Variants in SPEF2 observed in about 807,000 individuals in gnomAD.
SPEF2 encodes the protein sperm flagellar and cilia associated 2.
In SPEF2, 187 loss-of-function variants were observed where a neutral mutation model predicts 224.6. The observed-to-expected ratio is 0.83, with a 90% CI of 0.74 to 0.94. The LOEUF is 0.94. SPEF2 is among the 40% of genes least tolerant of loss of function. The probability of loss-of-function intolerance (pLI) is 0.00; values close to 1 mark genes in which losing one functional copy is unlikely to be tolerated. For synonymous variants in SPEF2, 715 were observed against 707.3 expected (o/e 1.01, Z -0.17); for missense variants, 2,170 against 2,135.6 (o/e 1.02, Z -0.32).
At chr5:35,812,128 C>T (rs1366036227) in intron 36 of SPEF2, among the ~76,000 whole-genome samples, 1 of 152,240 alleles carries the variant, frequency 6.6e-6, no homozygotes, top group African/African-American at 2.4e-5. Context: ...ATTACTTTTG[C>T]ACCAACCTAC....
chr5:35,770,517 C>T (rs1324518483), intron 26 of SPEF2, among the ~76,000 whole-genome samples: 1 of 152,132 alleles, frequency 6.6e-6, no homozygotes, highest in African/African-American at 2.4e-5. Context: ...GTCCCACATA[C>T]TCACCCACCC....
In SPEF2 at chr5:35,739,994, A is replaced by T. The variant is rs1292137182; in HGVS notation, c.3139A>T (p.Arg1047Trp). 7 of 1,614,034 alleles carry T rather than the reference A, an allele frequency of 4.3e-6. No individual in the cohort carries two copies. The highest frequency in any genetic ancestry group is 5.1e-6 in the Non-Finnish European group (6 of 1,180,022). Residue 1047 changes from arginine to tryptophan, a missense_variant, in exon 22 of 37, where the codon AGG (arginine) becomes TGG (tryptophan). Transcript: ENST00000356031. ...TATAAACACCATCAAAACAGTACTC[A>T]GGCATCTGAGGGAAGACCAGCATAC... is the stretch of plus-strand genomic sequence containing the variant. ...SYINTIKTVL[R>W]HLREDQHTVL...
Position 35,712,837 on chromosome 5 carries a change from T to G in SPEF2, c.2865T>G (p.Ser955=). The stretch of plus-strand genomic sequence containing the variant: ...AAGCCCCGCATGGTAAGCAAGAATC[T>G]CTTCAGGAAGGAAAAGGGAAGAAAG... ...QSEAPHGKQE[S]LQEGKGKKGE... The change falls in exon 20 of 37, where the codon TCT becomes TCG. Residue 955 remains serine (S), a synonymous_variant. Transcript: ENST00000356031. 6.2e-7 allele frequency: 1 copy of G among 1,613,874 alleles called. No homozygotes were observed. The highest frequency in any genetic ancestry group is 1.1e-5 in the South Asian group (1 of 91,058).
intron 25 of SPEF2, 120 bp downstream of exon 25, chr5:35,759,839 C>T: frequency 9.9e-7 from 1 of 1,010,252 alleles, no homozygotes; most frequent in South Asian, 2.8e-5. Context: ...TCCAAAAAAG[C>T]TCTAATAACC....
chr5:35,642,121 C>T (rs1229873310), intron 3 of SPEF2, among the ~76,000 whole-genome samples: 2 of 152,178 alleles, frequency 1.3e-5, no homozygotes, highest in Non-Finnish European at 2.9e-5. Context: ...TCAACTACTG[C>T]AGCAACCTGC....
chr5:35,646,262 A>C (rs74470346), intron 4 of SPEF2, among the ~76,000 whole-genome samples: 1 of 152,248 alleles, frequency 6.6e-6, no homozygotes, highest in South Asian at 2.1e-4. Context: ...CCTAGAAACT[A>C]TCTCCTAGAT....
chr5:35,799,650 T>G (rs1040587754), intron 33 of SPEF2, among the ~76,000 whole-genome samples: 2 of 152,162 alleles, frequency 1.3e-5, no homozygotes, highest in African/African-American at 4.8e-5. Flanking sequence ...GACAGATAGA[T>G]GGGTCCTTGT....
rs1295677513 is a variant in SPEF2, at chr5:35,799,970, T to C, written c.4833T>C (p.Phe1611=). The stretch of plus-strand genomic sequence containing the variant: ...TTTGGAATTCTTTTTGTGTGCAGTT[T>C]TTCTTTAGGCTATTTGCTGACTATG... ...PFNRQEHLIE[F]FFRLFADYEK... The change falls in exon 34 of 37, where the codon TTT becomes TTC. Residue 1611 remains phenylalanine, a splice_region_variant and synonymous_variant. Transcript: ENST00000356031. The C allele has an allele frequency of 6.2e-7, 1 of 1,613,790 alleles. No individual in the cohort carries two copies. The highest frequency in any genetic ancestry group is 1.1e-5 in the South Asian group (1 of 91,002).
At chr5:35,677,157 A>C (rs1752140679) in intron 10 of SPEF2, among the ~76,000 whole-genome samples, 1 of 152,164 alleles carries the variant, frequency 6.6e-6, no homozygotes, top group Non-Finnish European at 1.5e-5. Context: ...ATGCCTATGT[A>C]TTTTGTGACA....
intron 1 of SPEF2, among the ~76,000 whole-genome samples, chr5:35,625,771 T>A (rs1033077837): frequency 2.0e-5 from 3 of 152,036 alleles, no homozygotes; most frequent in African/African-American, 4.8e-5. Context: ...GCACCCTGGG[T>A]GGCACATTGA....
intron 33 of SPEF2, among the ~76,000 whole-genome samples, chr5:35,797,288 ATGT>A (rs1561380409): frequency 2.0e-5 from 3 of 150,778 alleles, no homozygotes; most frequent in African/African-American, 7.4e-5. Context: ...TGAGCAAAAC[ATGT>A]TGTTATGGAA....
At chr5:35,636,808 C>T (rs1299540737) in intron 2 of SPEF2, among the ~76,000 whole-genome samples, 1 of 151,824 alleles carries the variant, frequency 6.6e-6, no homozygotes. Flanking sequence ...AACCCCATCT[C>T]TGCTAAAAAT....
chr5:35,704,471 G>T, intron 16 of SPEF2, 83 bp from the exon 17 acceptor site: 2 of 786,180 alleles, frequency 2.5e-6, no homozygotes, highest in Non-Finnish European at 4.2e-6. Context: ...GTATCTGTTT[G>T]GCATCTTTCA....
chr5:35,743,330 C>A (rs1250906083), intron 23 of SPEF2, among the ~76,000 whole-genome samples: 3 of 151,778 alleles, frequency 2.0e-5, no homozygotes, highest in Admixed American at 2.0e-4. Flanking sequence ...TCAATCCAGG[C>A]AATAAAGGCA....
At chr5:35,811,213 A>G (rs902875508) in intron 36 of SPEF2, among the ~76,000 whole-genome samples, 2 of 152,224 alleles carry the variant, frequency 1.3e-5, no homozygotes, top group African/African-American at 2.4e-5. Context: ...ATATCCATGT[A>G]CAAGTAAATA....
At chr5:35,663,596 C>T (rs2149461516) in intron 8 of SPEF2, among the ~76,000 whole-genome samples, 1 of 152,222 alleles carries the variant, frequency 6.6e-6, no homozygotes, top group East Asian at 1.9e-4. Flanking sequence ...GTCCATTTTC[C>T]TCCATGTCTA....
At chr5:35,798,521 CT>C (rs1446402006) in intron 33 of SPEF2, among the ~76,000 whole-genome samples, 1 of 151,946 alleles carries the variant, frequency 6.6e-6, no homozygotes, top group South Asian at 2.1e-4. Flanking sequence ...GTCTAGCCCC[CT>C]CTCCACTCTT....
At chr5:35,710,160 G>T in intron 19 of SPEF2, 1 of 984,962 alleles carries the variant, frequency 1.0e-6, no homozygotes, top group South Asian at 4.7e-5. Flanking sequence ...AAAACACAAA[G>T]ACATGAATTA....
At chr5:35,632,857 T>C (rs995934165) in intron 2 of SPEF2, 2 of 152,196 alleles carry the variant, frequency 1.3e-5, no homozygotes, top group African/African-American at 2.4e-5. Context: ...CACATACTTT[T>C]GAATTTTCCA....
Sources: gnomAD v4.1 joint callset for allele counts (sites outside exome capture counted in the v4.1 genomes callset) on GRCh38, gnomAD v4.1.1 for gene constraint, MANE v1.5 for transcripts, NCBI Gene and HGNC (gene_info 2026-07-23, HGNC 2026-07-21) for gene names.